The following RASGRF1 variants were observed in gnomAD, a reference collection of about 807,000 sequenced individuals.
RASGRF1 encodes the protein Ras protein specific guanine nucleotide releasing factor 1.
In RASGRF1, 40 loss-of-function variants were observed where a neutral mutation model predicts 138.7. The observed-to-expected ratio is 0.29, with a 90% confidence interval of 0.22 to 0.38. The LOEUF (loss-of-function observed/expected upper bound fraction) is 0.38, where lower values mean the gene tolerates loss of function less well. Among genes scored for constraint, RASGRF1 ranks in the 10% least tolerant of loss-of-function variants. The pLI is 1.00. For synonymous variants in RASGRF1, 614 were observed against 663.2 expected, an observed-to-expected ratio of 0.93 and a Z score of 1.14; for missense variants, 1,108 against 1,650.4, an observed-to-expected ratio of 0.67 and a Z score of 5.69.
At position 79,051,751 on chromosome 15, in the gene RASGRF1, G is replaced by A. The variant is rs374239279; in HGVS notation, c.532-2163C>T. On this transcript the variant is annotated intron_variant, in intron 3 of 26. Transcript: ENST00000558480. ...TTAGGTCAGGCACCATCCTACATGC[G>A]CAGGCAACAAAAACTTTGGAGGCTT... is the stretch of plus-strand genomic sequence containing the variant. 2.6e-5 allele frequency among the ~76,000 whole-genome samples: 4 copies of A among 152,270 alleles called. No homozygotes were observed. In the East Asian group the frequency reaches 5.8e-4, roughly 22 times the overall value.
Position 78,994,990 on chromosome 15 carries a change from C to T in RASGRF1, c.3027+750G>A, listed in dbSNP as rs541555805. Among the ~76,000 whole-genome samples, 11 of 150,150 alleles carry T rather than the reference C, an allele frequency of 7.3e-5. No homozygotes were observed. In the South Asian group the frequency reaches 8.4e-4, roughly 12 times the overall value. On this transcript the variant is annotated intron_variant, in intron 20 of 26. Coordinates refer to ENST00000558480, the MANE Select transcript of RASGRF1 (RefSeq NM_001145648.3). The stretch of plus-strand genomic sequence containing the variant: ...TCACCCAGGCTGGAGGGCAATGGCT[C>T]GATCTCAGTTCACTGCAACCTCTCC...
chr15:78,979,152 G>A (rs749760260), intron 24 of RASGRF1: 15 of 1,289,246 alleles, frequency 1.2e-5, no homozygotes, highest in Admixed American at 6.9e-5. Context: ...AGGGGCTCTC[G>A]GGAGCCCAGG....
chr15:79,065,565 C>T (rs1322417972), intron 1 of RASGRF1, among the ~76,000 whole-genome samples: 2 of 151,940 alleles, frequency 1.3e-5, no homozygotes, highest in African/African-American at 2.4e-5. Context: ...GCAGGGGGCT[C>T]TGAGGGGCCA....
intron 13 of RASGRF1, among the ~76,000 whole-genome samples, chr15:79,007,545 G>GTTTT (rs5813951): frequency 1.1e-4 from 12 of 108,962 alleles, no homozygotes; most frequent in East Asian, 5.3e-4. Flanking sequence ...GCCGTATCTA[G>GTTTT]TTTTTTTTTT....
At chr15:79,063,799 C>T (rs2057640060) in intron 2 of RASGRF1, among the ~76,000 whole-genome samples, 1 of 152,190 alleles carries the variant, frequency 6.6e-6, no homozygotes, top group African/African-American at 2.4e-5. Context: ...GGGACCACAT[C>T]CTGGCTCACA....
At chr15:78,980,814 C>T in intron 23 of RASGRF1, 115 bp from the exon 24 acceptor site, 1 of 742,638 alleles carries the variant, frequency 1.3e-6, no homozygotes, top group Non-Finnish European at 2.1e-6. Context: ...ATTGCCTTCC[C>T]TTGGGATCTG....
chr15:78,999,521 G>A (rs1177033964), intron 17 of RASGRF1, among the ~76,000 whole-genome samples: 1 of 152,128 alleles, frequency 6.6e-6, no homozygotes, highest in Non-Finnish European at 1.5e-5. Context: ...CGGTGCCCAA[G>A]CCAAAATAAT....
At chr15:79,049,069 G>A (rs1036425692) in intron 4 of RASGRF1, among the ~76,000 whole-genome samples, 2 of 152,154 alleles carry the variant, frequency 1.3e-5, no homozygotes, top group African/African-American at 4.8e-5. Flanking sequence ...GTCTGCTGGG[G>A]ACTCAGGAGG....
intron 23 of RASGRF1, among the ~76,000 whole-genome samples, chr15:78,981,914 C>CACTTGCCCCTTTCCAG (rs2056041959): frequency 6.6e-6 from 1 of 152,242 alleles, no homozygotes; most frequent in Non-Finnish European, 1.5e-5. Context: ...TCCAGAGTCT[C>CACTTGCCCCTTTCCAG]AGCTTCCCTC....
intron 4 of RASGRF1, among the ~76,000 whole-genome samples, chr15:79,048,289 T>A (rs999532473): frequency 6.6e-6 from 1 of 152,118 alleles, no homozygotes; most frequent in Non-Finnish European, 1.5e-5. Flanking sequence ...GTGGCACCTC[T>A]TGCCTGGGCT....
intron 11 of RASGRF1, 80 bp downstream of exon 11, chr15:79,019,961 T>A: frequency 6.5e-7 from 1 of 1,547,532 alleles, no homozygotes; most frequent in Non-Finnish European, 8.9e-7. Flanking sequence ...AAGAAACTAA[T>A]GCCTGGCCCA....
intron 1 of RASGRF1, among the ~76,000 whole-genome samples, chr15:79,072,729 C>T (rs1467932834): frequency 6.6e-6 from 1 of 152,186 alleles, no homozygotes; most frequent in Non-Finnish European, 1.5e-5. Context: ...ACCTGAGCTT[C>T]CTCAGAGTTA....
At chr15:78,986,212 A>C (rs2056153241) in intron 22 of RASGRF1, among the ~76,000 whole-genome samples, 1 of 152,052 alleles carries the variant, frequency 6.6e-6, no homozygotes, top group Non-Finnish European at 1.5e-5. Context: ...GAACAAATCA[A>C]ATGTAGGTTG....
intron 8 of RASGRF1, among the ~76,000 whole-genome samples, chr15:79,030,309 T>G (rs1346573317): frequency 1.3e-5 from 2 of 152,100 alleles, no homozygotes; most frequent in Non-Finnish European, 2.9e-5. Context: ...CTGACCTTCT[T>G]TGTAGCCCTT....
At position 78,998,560 on chromosome 15, in the gene RASGRF1, C is replaced by T. The variant is rs547410155; in HGVS notation, c.2853+159G>A. The stretch of plus-strand genomic sequence containing the variant: ...CTCCTAGGGAATCTGAGCAGTCCTC[C>T]GGGAACATCAGGGTGGCACATTTGA... On this transcript the variant is annotated intron_variant, in intron 18 of 26. Coordinates refer to ENST00000558480, the MANE Select transcript of RASGRF1 (RefSeq NM_001145648.3). 2.6e-4 allele frequency among the ~76,000 whole-genome samples: 40 copies of T among 152,336 alleles called. 1 individual carries two copies. In the South Asian group the frequency reaches 7.7e-3, roughly 29 times the overall value.
intron 5 of RASGRF1, among the ~76,000 whole-genome samples, chr15:79,039,296 C>CAAAAAAA (rs71148587): frequency 6.0e-5 from 3 of 50,370 alleles, no homozygotes; most frequent in Non-Finnish European, 8.4e-5. Context: ...GACCCTGTCT[C>CAAAAAAA]AAAAAAAAAA....
At chr15:78,982,692 T>G (rs1386133549) in intron 23 of RASGRF1, among the ~76,000 whole-genome samples, 1 of 152,064 alleles carries the variant, frequency 6.6e-6, no homozygotes, top group South Asian at 2.1e-4. Context: ...ATTCCATCAC[T>G]TCCTGTTCAC....
At position 79,013,184 on chromosome 15, in the gene RASGRF1, C is replaced by T. The variant is rs143245043; in HGVS notation, c.1826+2143G>A. Among the ~76,000 whole-genome samples the T allele has an allele frequency of 2.9e-3, 446 of 152,316 alleles. 3 individuals are homozygous for T. Among genetic ancestry groups the T allele is most frequent in the African/African-American group, 0.01 (434 of 41,564 alleles). ...AAAGGTTAAGCGACTTGTCCATATT[C>T]ACACACAAAGCTAGGGCTGGGGACC... On this transcript the variant is annotated intron_variant, in intron 13 of 26. Transcript: ENST00000558480.
chr15:79,059,473 C>T (rs2057567582), intron 2 of RASGRF1, among the ~76,000 whole-genome samples: 1 of 150,402 alleles, frequency 6.6e-6, no homozygotes, highest in Non-Finnish European at 1.5e-5. Context: ...CGTGCAGGTG[C>T]AATCTTTACA....
Sources: allele counts gnomAD v4.1 joint callset (sites outside exome capture counted in the v4.1 genomes callset), GRCh38; gene constraint gnomAD v4.1.1; transcripts MANE v1.5; gene names NCBI Gene and HGNC (gene_info 2026-07-23, HGNC 2026-07-21).